The following ADAMTSL1 variants were observed in gnomAD, a reference collection of about 807,000 sequenced individuals.
ADAMTSL1 encodes ADAMTS-like protein 1.
ADAMTSL1 carries 126 observed loss-of-function variants against 201.8 expected under a neutral mutation model. That is an observed-to-expected ratio of 0.62 (90% CI 0.54 to 0.72). The LOEUF is 0.72. Among genes scored for constraint, ADAMTSL1 ranks in the 30% least tolerant of loss-of-function variants. The pLI is 0.00. For synonymous variants in ADAMTSL1, 1,121 were observed against 903.4 expected, an observed-to-expected ratio of 1.24 and a Z score of -4.32; for missense variants, 2,679 against 2,277.8, an observed-to-expected ratio of 1.18 and a Z score of -3.59.
intron 15 of ADAMTSL1, among the ~76,000 whole-genome samples, chr9:18,724,155 T>G (rs1343787189): frequency 2.0e-5 from 3 of 152,226 alleles, no homozygotes; most frequent in African/African-American, 4.8e-5. Flanking sequence ...AAAATGACAT[T>G]TCAAGTCTTA....
Position 18,910,277 on chromosome 9 carries a change from TAAA to T in ADAMTSL1, c.*1733_*1735del, listed in dbSNP as rs1563914051. On this transcript the variant is annotated 3_prime_UTR_variant, in exon 29 of 29. Coordinates refer to ENST00000380548, the MANE Select transcript of ADAMTSL1 (RefSeq NM_001040272.6). ...AAATCAGTGTAAAGTCTGTTTAAAA[TAAA>T]AAAGAATGTTTTCTATGTCTGTATA... 6.6e-6 allele frequency: 1 copy of T among 152,056 alleles called. No individual in the cohort carries two copies. Among genetic ancestry groups the T allele is most frequent in the Admixed American group, 6.5e-5 (1 of 15,282 alleles). 9.4% of individuals were successfully genotyped at this position (152,056 alleles called of 1,614,324 possible). A position where few individuals can be genotyped will look rare whatever the true frequency, so the allele number is the denominator to read the frequency against.
chr9:18,447,664 C>T (rs1820245831), intron 2 of ADAMTSL1, among the ~76,000 whole-genome samples: 1 of 152,208 alleles, frequency 6.6e-6, no homozygotes, highest in Non-Finnish European at 1.5e-5. Context: ...ACATACACTG[C>T]TAAAGAGTCC....
At chr9:18,504,792 G>C (rs760827707) in intron 1 of ADAMTSL1, 37 bp from the exon 2 acceptor site, 13 of 1,614,136 alleles carry the variant, frequency 8.1e-6, no homozygotes, top group Non-Finnish European at 1.0e-5. Context: ...GGGTTCCATG[G>C]GGGATATGAT....
chr9:18,784,969 T>C (rs1397776893), intron 19 of ADAMTSL1, among the ~76,000 whole-genome samples: 3 of 152,146 alleles, frequency 2.0e-5, no homozygotes, highest in Non-Finnish European at 4.4e-5. Context: ...ATCGAGACCA[T>C]CCTGGCCTAC....
At chr9:18,089,116 C>T (rs539147431) in intron 1 of ADAMTSL1, among the ~76,000 whole-genome samples, 10 of 152,162 alleles carry the variant, frequency 6.6e-5, no homozygotes, top group South Asian at 4.2e-4. Flanking sequence ...CGTGCCATTG[C>T]GCTGCAGCCT....
chr9:18,044,551 C>T (rs558996848), intron 1 of ADAMTSL1, among the ~76,000 whole-genome samples: 13 of 152,184 alleles, frequency 8.5e-5, no homozygotes, highest in African/African-American at 3.1e-4. Flanking sequence ...ATTGGATTGG[C>T]TTTTTATTTC....
At chr9:18,718,481 T>G (rs1458308133) in intron 14 of ADAMTSL1, 4 of 578,036 alleles carry the variant, frequency 6.9e-6, no homozygotes, top group Admixed American at 5.7e-5. Context: ...CAAAGCAGAC[T>G]TTCCAACGCC....
intron 3 of ADAMTSL1, among the ~76,000 whole-genome samples, chr9:18,564,646 G>A (rs1050818335): frequency 5.3e-5 from 8 of 152,152 alleles, no homozygotes; most frequent in Non-Finnish European, 1.2e-4. Flanking sequence ...CTGTATAATT[G>A]TGTGCTTATA....
At chr9:18,366,488 GT>G (rs1257406815) in intron 2 of ADAMTSL1, among the ~76,000 whole-genome samples, 1 of 151,422 alleles carries the variant, frequency 6.6e-6, no homozygotes, top group Admixed American at 6.6e-5. Context: ...GGACACACAG[GT>G]TTTTATATCA....
chr9:18,830,736 G>T (rs1032602451), intron 23 of ADAMTSL1, among the ~76,000 whole-genome samples: 1 of 152,214 alleles, frequency 6.6e-6, no homozygotes, highest in African/African-American at 2.4e-5. Context: ...TGGTGGGGGG[G>T]TGGGGAAATA....
chr9:18,794,228 G>T (rs977785643), intron 19 of ADAMTSL1, among the ~76,000 whole-genome samples: 1 of 151,922 alleles, frequency 6.6e-6, no homozygotes, highest in Non-Finnish European at 1.5e-5. Flanking sequence ...GGGCAACTTG[G>T]CAAGACCCTA....
intron 1 of ADAMTSL1, among the ~76,000 whole-genome samples, chr9:18,064,503 CCTT>C (rs1174111240): frequency 6.6e-6 from 1 of 152,178 alleles, no homozygotes; most frequent in Non-Finnish European, 1.5e-5. Context: ...CCTGTTACCT[CCTT>C]CTTGAACCAC....
At chr9:17,982,669 A>C (rs1239106923) in intron 1 of ADAMTSL1, among the ~76,000 whole-genome samples, 1 of 152,200 alleles carries the variant, frequency 6.6e-6, no homozygotes, top group African/African-American at 2.4e-5. Context: ...ATAGTCCAGC[A>C]AACTGAGTGC....
At chr9:18,098,993 C>T (rs1824371753) in intron 1 of ADAMTSL1, among the ~76,000 whole-genome samples, 1 of 151,772 alleles carries the variant, frequency 6.6e-6, no homozygotes, top group Non-Finnish European at 1.5e-5. Context: ...AAGATAGTTG[C>T]CTTATATATT....
chr9:18,878,687 G>A (rs1024118703), intron 23 of ADAMTSL1, among the ~76,000 whole-genome samples: 6 of 152,178 alleles, frequency 3.9e-5, no homozygotes, highest in African/African-American at 7.2e-5. Context: ...AAGGGTCTGC[G>A]GATTCTCTGG....
At chr9:18,534,109 A>G (rs1025542540) in intron 3 of ADAMTSL1, among the ~76,000 whole-genome samples, 5 of 152,172 alleles carry the variant, frequency 3.3e-5, no homozygotes, top group Admixed American at 2.0e-4. Flanking sequence ...TTAGTCTTCA[A>G]AGTTTATATT....
intron 23 of ADAMTSL1, among the ~76,000 whole-genome samples, chr9:18,872,288 G>C (rs1001109617): frequency 7.2e-5 from 11 of 152,126 alleles, no homozygotes; most frequent in African/African-American, 2.4e-4. Flanking sequence ...CCATCACTAG[G>C]GCTGAGGGAA....
chr9:18,710,764 G>T (rs1832534026), intron 14 of ADAMTSL1, among the ~76,000 whole-genome samples: 1 of 145,706 alleles, frequency 6.9e-6, no homozygotes, highest in African/African-American at 2.5e-5. Context: ...ACATTGGGTT[G>T]GTCAATTTAA....
chr9:18,495,826 C>G (rs1298597566), intron 1 of ADAMTSL1, among the ~76,000 whole-genome samples: 1 of 152,118 alleles, frequency 6.6e-6, no homozygotes, highest in Non-Finnish European at 1.5e-5. Flanking sequence ...ATTGAAATTA[C>G]TTGGCAATTT....
Sources: gnomAD v4.1 joint callset for allele counts (sites outside exome capture counted in the v4.1 genomes callset) on GRCh38, gnomAD v4.1.1 for gene constraint, MANE v1.5 for transcripts, NCBI Gene and HGNC (gene_info 2026-07-23, HGNC 2026-07-21) for gene names.